Variants in CCDC3 observed in about 807,000 individuals in gnomAD.
The protein encoded by CCDC3 is coiled-coil domain containing 3.
A neutral mutation model predicts 21.4 loss-of-function variants in CCDC3; 24 were observed. The observed-to-expected ratio is 1.12, with a 90% CI of 0.81 to 1.58. The LOEUF (loss-of-function observed/expected upper bound fraction) is 1.58, where lower values mean the gene tolerates loss of function less well. Ranked by LOEUF, CCDC3 falls within the 40% of genes most tolerant of loss-of-function variation. The pLI, the probability that CCDC3 is intolerant of heterozygous loss-of-function variation, is 0.00. For synonymous variants in CCDC3, 186 were observed against 166.0 expected (o/e 1.12, Z -0.93); for missense variants, 425 against 360.9 (o/e 1.18, Z -1.44).
intron 3 of CCDC3, among the ~76,000 whole-genome samples, chr10:13,084,506 C>T (rs1388250678): frequency 2.6e-5 from 4 of 152,086 alleles, no homozygotes; most frequent in Admixed American, 6.5e-5. Flanking sequence ...AGTCTGGTCT[C>T]GAACTCCTGA....
At chr10:12,926,280 C>T (rs1359817691) in intron 2 of CCDC3, among the ~76,000 whole-genome samples, 1 of 152,194 alleles carries the variant, frequency 6.6e-6, no homozygotes, top group Non-Finnish European at 1.5e-5. Context: ...ATCATCAACT[C>T]AGCTTAAGAA....
intron 3 of CCDC3, among the ~76,000 whole-genome samples, chr10:13,084,289 T>TTC (rs948628541): frequency 1.3e-5 from 2 of 148,228 alleles, no homozygotes; most frequent in South Asian, 2.1e-4. Context: ...TTTCTTTTCT[T>TTC]TTTTTTTTTT....
chr10:12,926,959 A>G (rs1834551333), intron 2 of CCDC3, among the ~76,000 whole-genome samples: 1 of 152,216 alleles, frequency 6.6e-6, no homozygotes, highest in Non-Finnish European at 1.5e-5. Flanking sequence ...TGAATAAAAT[A>G]TAGTTATTAC....
chr10:12,901,250 T>C (rs568213101), intron 2 of CCDC3, among the ~76,000 whole-genome samples: 38 of 152,258 alleles, frequency 2.5e-4, no homozygotes, highest in African/African-American at 8.2e-4. Flanking sequence ...ACACCACCTA[T>C]ACCTCTTACA....
At chr10:13,068,779 T>C (rs1347990352) in intron 4 of CCDC3, among the ~76,000 whole-genome samples, 2 of 152,228 alleles carry the variant, frequency 1.3e-5, no homozygotes, top group Non-Finnish European at 2.9e-5. Context: ...GTTACCATTA[T>C]AACATGTAAC....
At chr10:12,933,614 G>A (rs1031926440) in intron 2 of CCDC3, among the ~76,000 whole-genome samples, 13 of 151,932 alleles carry the variant, frequency 8.6e-5, no homozygotes, top group East Asian at 3.9e-4. Context: ...GCACAACCAC[G>A]CCAGGATAAT....
chr10:12,981,040 CTTTTT>C (rs879255847), intron 2 of CCDC3, among the ~76,000 whole-genome samples: 3 of 148,650 alleles, frequency 2.0e-5, no homozygotes, highest in African/African-American at 4.9e-5. Flanking sequence ...GAAGATTAGA[CTTTTT>C]TTTTTTTTTA....
chr10:13,012,601 G>A (rs1835996572), intron 5 of CCDC3, among the ~76,000 whole-genome samples: 1 of 151,812 alleles, frequency 6.6e-6, no homozygotes, highest in Non-Finnish European at 1.5e-5. Context: ...GTGGGAGGAG[G>A]GAGAAGTTCA....
At chr10:12,915,916 C>CA (rs751714858) in intron 2 of CCDC3, among the ~76,000 whole-genome samples, 14 of 152,016 alleles carry the variant, frequency 9.2e-5, no homozygotes, top group Non-Finnish European at 1.8e-4. Flanking sequence ...GACCTGGCAC[C>CA]AGGGTCTGCA....
chr10:12,898,758 C>T (rs1285873262), intron 2 of CCDC3, 79 bp from the exon 3 acceptor site: 3 of 1,521,952 alleles, frequency 2.0e-6, no homozygotes, highest in African/African-American at 2.8e-5. Context: ...CCAGAAGCTT[C>T]CCCGAGTGCT....
chr10:12,952,409 C>T (rs994372651), intron 2 of CCDC3, among the ~76,000 whole-genome samples: 1 of 152,186 alleles, frequency 6.6e-6, no homozygotes, highest in Admixed American at 6.5e-5. Flanking sequence ...AATCATGTTT[C>T]ATTGAGGTGC....
intron 3 of CCDC3, among the ~76,000 whole-genome samples, chr10:13,097,276 G>T (rs1337751692): frequency 6.6e-6 from 1 of 152,146 alleles, no homozygotes; most frequent in African/African-American, 2.4e-5. Context: ...TCACCAAACG[G>T]GATGATCCAG....
intron 4 of CCDC3, among the ~76,000 whole-genome samples, chr10:13,059,154 A>C (rs1836720521): frequency 1.3e-5 from 2 of 152,294 alleles, no homozygotes; most frequent in South Asian, 4.1e-4. Flanking sequence ...GGTGATGCTA[A>C]AATTTAGATA....
At position 13,039,259 on chromosome 10, in the gene CCDC3, C is replaced by T. The variant is rs546193517; in HGVS notation, c.-2+10415G>A. ...AGTGAAACCCCGTTTCTACTAAACC[C>T]GCATATCTCAAAAAATAGCTGGGTG... is the stretch of plus-strand genomic sequence containing the variant. On this transcript the variant is annotated intron_variant, in intron 5 of 6. Coordinates refer to the CCDC3 transcript ENST00000378839. 8.3e-4 allele frequency among the ~76,000 whole-genome samples: 126 copies of T among 152,114 alleles called. 1 individual carries two copies. The highest frequency in any genetic ancestry group is 2.7e-3 in the African/African-American group (111 of 41,528).
intron 2 of CCDC3, among the ~76,000 whole-genome samples, chr10:12,922,880 G>T (rs184137747): frequency 2.5e-4 from 38 of 152,276 alleles, no homozygotes; most frequent in Admixed American, 2.1e-3. Context: ...TAGCCTAGAA[G>T]AGGAGCCCGG....
chr10:13,057,903 T>C, intron 4 of CCDC3: 6 of 508,438 alleles, frequency 1.2e-5, no homozygotes, highest in Non-Finnish European at 2.2e-5. Flanking sequence ...AAACCTTCTT[T>C]CTTGGGCTTC....
chr10:12,953,362 G>C (rs1835037827), intron 2 of CCDC3, among the ~76,000 whole-genome samples: 2 of 152,108 alleles, frequency 1.3e-5, no homozygotes, highest in Admixed American at 1.3e-4. Flanking sequence ...TTTGGGTGGG[G>C]ACACAGCCAA....
intron 2 of CCDC3, among the ~76,000 whole-genome samples, chr10:12,997,680 G>A (rs1835783172): frequency 6.6e-6 from 1 of 152,168 alleles, no homozygotes; most frequent in Non-Finnish European, 1.5e-5. Context: ...AGGGCCCTGT[G>A]CTGTCCATGA....
In CCDC3 at chr10:13,009,239, A is replaced by G. The variant is rs148484577; in HGVS notation, c.-1-10727T>C. ...ATATGTAAAAGACTTATACATTGAGAACTACAAAACATTACTGAGAGAAAT... is the reference window on the plus strand; with the variant it reads ...ATATGTAAAAGACTTATACATTGAGGACTACAAAACATTACTGAGAGAAAT... On this transcript the variant is annotated intron_variant, in intron 5 of 6. Transcript: ENST00000378839. Among the ~76,000 whole-genome samples, 51 of 152,346 alleles carry G rather than the reference A, an allele frequency of 3.3e-4. 2 individuals carry two copies. In the East Asian group the frequency reaches 4.8e-3, roughly 14 times the overall value.
Sources: allele counts gnomAD v4.1 joint callset (sites outside exome capture counted in the v4.1 genomes callset), GRCh38; gene constraint gnomAD v4.1.1; transcripts MANE v1.5; gene names NCBI Gene and HGNC (gene_info 2026-07-23, HGNC 2026-07-21).